DCHS2: variants seen among roughly 807,000 people sequenced by gnomAD.
DCHS2 encodes the protein protocadherin-23.
A neutral mutation model predicts 182.4 loss-of-function variants in DCHS2; 142 were observed. The observed-to-expected ratio is 0.78, with a 90% confidence interval of 0.68 to 0.89. The LOEUF (loss-of-function observed/expected upper bound fraction) is 0.89. Among genes scored for constraint, DCHS2 ranks in the 40% least tolerant of loss-of-function variants. The pLI is 0.00. For missense variants in DCHS2, 4,319 were observed against 4,198.6 expected (o/e 1.03, Z -0.79); for synonymous variants, 1,740 against 1,663.3 (o/e 1.05, Z -1.12).
intron 3 of DCHS2, among the ~76,000 whole-genome samples, chr4:154,344,813 G>A (rs1561057551): frequency 6.6e-6 from 1 of 152,196 alleles, no homozygotes. Context: ...TTAGTGCAGA[G>A]CTACGTTCAA....
chr4:154,275,589 T>C (rs566457026), intron 13 of DCHS2, among the ~76,000 whole-genome samples: 2 of 152,210 alleles, frequency 1.3e-5, no homozygotes, highest in South Asian at 4.1e-4. Context: ...TAGTACAATA[T>C]GTTTTATCCC....
At chr4:154,247,684 G>T (rs922158673) in intron 16 of DCHS2, among the ~76,000 whole-genome samples, 2 of 144,798 alleles carry the variant, frequency 1.4e-5, no homozygotes, top group African/African-American at 5.3e-5. Context: ...AATTAGAATG[G>T]CACTAGACTT....
chr4:154,267,710 G>C (rs1002194624), intron 14 of DCHS2, among the ~76,000 whole-genome samples: 2 of 151,964 alleles, frequency 1.3e-5, no homozygotes, highest in African/African-American at 4.8e-5. Context: ...TCTTCTTCCC[G>C]AAGCCTAGCT....
intron 3 of DCHS2, among the ~76,000 whole-genome samples, chr4:154,363,830 T>TATAA (rs1224732836): frequency 1.8e-4 from 27 of 152,244 alleles, no homozygotes; most frequent in African/African-American, 6.5e-4. Context: ...TACAATGTGT[T>TATAA]TTCAGTTGCT....
rs1354842654 is a variant in DCHS2, at chr4:154,259,624, T to A, written c.6710A>T (p.Asp2237Val). 11 of 1,613,960 alleles carry A rather than the reference T, an allele frequency of 6.8e-6. No homozygotes were observed. Among genetic ancestry groups the A allele is most frequent in the Non-Finnish European group, 9.3e-6 (11 of 1,180,026 alleles). The part of the protein sequence containing the change: ...KVAVLIQDEN[D>V]NSPCFEQSIY... ...GCTTTGTTCAAAGCATGGTGAATTA[T>A]CATTCTCATCCTGTATCAAGACTGC... is the stretch of plus-strand genomic sequence containing the variant. The change falls in exon 15 of 20, where the codon GAT becomes GTT. Residue 2237 changes from aspartate to valine, a missense_variant. Asp to Val is a radical substitution (Grantham distance 152, BLOSUM62 -3). Coordinates refer to ENST00000357232, the MANE Select transcript of DCHS2 (RefSeq NM_001358235.2).
chr4:154,302,920 G>A, intron 12 of DCHS2, among the ~76,000 whole-genome samples: 3 of 116,020 alleles, frequency 2.6e-5, no homozygotes, highest in African/African-American at 9.4e-5. Flanking sequence ...ACATATATAT[G>A]AAATAGATAT....
intron 1 of DCHS2, among the ~76,000 whole-genome samples, chr4:154,448,611 C>T (rs1359216142): frequency 6.6e-6 from 1 of 152,186 alleles, no homozygotes; most frequent in Non-Finnish European, 1.5e-5. Flanking sequence ...GACCTCCATC[C>T]AAGTGAGCTT....
intron 1 of DCHS2, among the ~76,000 whole-genome samples, chr4:154,406,706 A>G (rs760741588): frequency 3.3e-4 from 50 of 152,220 alleles, no homozygotes; most frequent in Non-Finnish European, 6.0e-4. Context: ...CTTACATGTT[A>G]TATGTACTTG....
At chr4:154,426,587 A>G (rs748549229) in intron 1 of DCHS2, among the ~76,000 whole-genome samples, 1 of 152,134 alleles carries the variant, frequency 6.6e-6, no homozygotes, top group Non-Finnish European at 1.5e-5. Flanking sequence ...AATAAGATTG[A>G]GTATTTGACA....
Position 154,491,258 on chromosome 4 carries a change from T to C in DCHS2, c.98A>G (p.His33Arg). 1 of 1,551,250 alleles carries C rather than the reference T, an allele frequency of 6.4e-7. No homozygotes were observed. Among genetic ancestry groups the C allele is most frequent in the Non-Finnish European group, 8.7e-7 (1 of 1,146,914 alleles). The change falls in exon 1 of 20, where the codon CAT becomes CGT. Residue 33 changes from histidine (H) to arginine (R), a missense_variant. His to Arg is a conservative substitution (Grantham distance 29). Coordinates refer to ENST00000357232, the MANE Select transcript of DCHS2 (RefSeq NM_001358235.2). The part of the protein sequence containing the change: ...LLLPGRRDTP[H>R]GRSGSSGART... ...GGCGCCGCTGCTGCCTGACCGCCCA[T>C]GGGGTGTATCTCTCCTCCCGGGGAG...
At chr4:154,304,573 A>G (rs1202733956) in intron 12 of DCHS2, 96 bp downstream of exon 12, 1 of 1,086,234 alleles carries the variant, frequency 9.2e-7, no homozygotes, top group African/African-American at 1.6e-5. Context: ...GTGAAGTTGC[A>G]GTGAGCCATC....
Position 154,234,527 on chromosome 4 carries a change from C to T in DCHS2, c.*9G>A, listed in dbSNP as rs2111075340. ...CAATGGTGAGCAGGTACTTGGCATC[C>T]CAGTGGTTTCATATTTGAACTTCAT... On this transcript the variant is annotated 3_prime_UTR_variant, in exon 20 of 20. Transcript: ENST00000357232. 1.9e-6 allele frequency: 3 copies of T among 1,595,012 alleles called. No individual in the cohort carries two copies. Among genetic ancestry groups the T allele is most frequent in the Admixed American group, 1.7e-5 (1 of 58,628 alleles).
At chr4:154,420,174 T>A (rs893518471) in intron 1 of DCHS2, among the ~76,000 whole-genome samples, 5 of 150,386 alleles carry the variant, frequency 3.3e-5, no homozygotes, top group African/African-American at 4.9e-5. Flanking sequence ...GGAGACCAGA[T>A]GGAGAGAAGA....
rs966387033 is a variant in DCHS2, at chr4:154,321,170, A to G, written c.4229T>C (p.Leu1410Ser). ...RAIMSQNIRH[L>S]IIPENLKPTK... The stretch of plus-strand genomic sequence containing the variant: ...GGGCTTCAAATTTTCTGGTATAATT[A>G]AATGTCTAATATTCTGAGACATGAT... The change falls in exon 9 of 20, where the codon TTA becomes TCA. Residue 1410 changes from leucine (L) to serine (S), a missense_variant. Transcript: ENST00000357232. The G allele has an allele frequency of 6.3e-7, 1 of 1,587,164 alleles. No individual in the cohort carries two copies. Among genetic ancestry groups the G allele is most frequent in the Non-Finnish European group, 8.6e-7 (1 of 1,163,918 alleles).
chr4:154,490,199 C>A lies in DCHS2; in HGVS notation c.1157G>T (p.Arg386Leu), dbSNP rs1298171592. The A allele has an allele frequency of 1.3e-6, 2 of 1,549,416 alleles. No individual in the cohort carries two copies. Among genetic ancestry groups the A allele is most frequent in the Non-Finnish European group, 1.7e-6 (2 of 1,146,706 alleles). Reference protein sequence around the residue: ...QAWHQLVVEARDGGAEPEVAT... With the variant: ...QAWHQLVVEALDGGAEPEVAT... ...AACCTCAGGCTCGGCGCCTCCATCG[C>A]GGGCCTCCACCACCAACTGGTGCCA... The change falls in exon 1 of 20, where the codon CGC becomes CTC. Residue 386 changes from arginine (R) to leucine (L), a missense_variant. Coordinates refer to ENST00000357232, the MANE Select transcript of DCHS2 (RefSeq NM_001358235.2).
At chr4:154,382,570 G>A (rs1731218065) in intron 1 of DCHS2, among the ~76,000 whole-genome samples, 1 of 151,960 alleles carries the variant, frequency 6.6e-6, no homozygotes. Context: ...CCCTCAGAAT[G>A]GGAAAAAATA....
chr4:154,234,526 C>T lies in DCHS2; in HGVS notation c.*10G>A, dbSNP rs1731348155. The T allele has an allele frequency of 6.3e-7, 1 of 1,594,758 alleles. No individual in the cohort carries two copies. On this transcript the variant is annotated 3_prime_UTR_variant, in exon 20 of 20. Transcript: ENST00000357232. ...CCAATGGTGAGCAGGTACTTGGCATCCCAGTGGTTTCATATTTGAACTTCA... is the reference window on the plus strand; with the variant it reads ...CCAATGGTGAGCAGGTACTTGGCATTCCAGTGGTTTCATATTTGAACTTCA...
At chr4:154,331,592 A>T (rs1204190642) in intron 5 of DCHS2, 3 of 1,611,162 alleles carry the variant, frequency 1.9e-6, no homozygotes, top group South Asian at 2.2e-5. Flanking sequence ...CCTTCTCCTA[A>T]TTCACAGAAC....
chr4:154,313,569 C>A (rs1257218477), intron 10 of DCHS2, among the ~76,000 whole-genome samples: 2 of 151,932 alleles, frequency 1.3e-5, no homozygotes, highest in African/African-American at 4.8e-5. Context: ...ATGTTAAAAT[C>A]TTGACTAAGT....
Sources: allele counts gnomAD v4.1 joint callset (sites outside exome capture counted in the v4.1 genomes callset), GRCh38; gene constraint gnomAD v4.1.1; transcripts MANE v1.5; gene names NCBI Gene and HGNC (gene_info 2026-07-23, HGNC 2026-07-21).